Variants in KCNH8 observed in about 807,000 individuals in gnomAD.
KCNH8 encodes the protein voltage-gated delayed rectifier potassium channel KCNH8.
A neutral mutation model predicts 103.6 loss-of-function variants in KCNH8; 70 were observed. That is an observed-to-expected ratio of 0.68 (90% CI 0.56 to 0.82). The LOEUF is 0.82. KCNH8 is among the 40% of genes least tolerant of loss of function. The pLI, the probability that KCNH8 is intolerant of heterozygous loss-of-function variation, is 0.00. For synonymous variants in KCNH8, 498 were observed against 489.4 expected (o/e 1.02, Z -0.23); for missense variants, 1,217 against 1,329.9 (o/e 0.92, Z 1.32).
rs892596217 is a variant in KCNH8 at position 19,382,234 on chromosome 3, A to C, written c.812-8247A>C. On this transcript the variant is annotated intron_variant, in intron 5 of 15. Coordinates refer to ENST00000328405, the MANE Select transcript of KCNH8 (RefSeq NM_144633.3). ...ACAATTCATAGATATTACTAAAAGAACCTCTTTCCTGAGCTGGAAGCAGGG... is the reference window on the plus strand; with the variant it reads ...ACAATTCATAGATATTACTAAAAGACCCTCTTTCCTGAGCTGGAAGCAGGG... Among the ~76,000 whole-genome samples, 47 of 152,234 alleles carry C rather than the reference A, an allele frequency of 3.1e-4. 1 individual carries two copies. The highest frequency in any genetic ancestry group is 1.1e-3 in the African/African-American group (47 of 41,528).
At chr3:19,336,585 T>G (rs955087049) in intron 3 of KCNH8, among the ~76,000 whole-genome samples, 1 of 151,902 alleles carries the variant, frequency 6.6e-6, no homozygotes, top group Non-Finnish European at 1.5e-5. Context: ...TGTATTAACA[T>G]TCCCTATAAT....
intron 5 of KCNH8, among the ~76,000 whole-genome samples, chr3:19,353,631 A>G (rs1383158327): frequency 1.3e-5 from 2 of 152,140 alleles, no homozygotes; most frequent in Non-Finnish European, 2.9e-5. Flanking sequence ...AAAGACAAAA[A>G]CCACATGATT....
intron 3 of KCNH8, among the ~76,000 whole-genome samples, chr3:19,302,594 A>G (rs945834841): frequency 1.3e-5 from 2 of 152,198 alleles, no homozygotes; most frequent in African/African-American, 4.8e-5. Context: ...TTTCTCAGAA[A>G]AAGCACTTAG....
chr3:19,201,114 C>T (rs2063654479), intron 1 of KCNH8, among the ~76,000 whole-genome samples: 1 of 150,320 alleles, frequency 6.7e-6, no homozygotes, highest in Admixed American at 6.6e-5. Context: ...CACCTGTTAT[C>T]CCAGCTACTA....
At chr3:19,223,685 T>C (rs543654209) in intron 1 of KCNH8, among the ~76,000 whole-genome samples, 194 of 152,242 alleles carry the variant, frequency 1.3e-3, no homozygotes, top group African/African-American at 4.5e-3. Flanking sequence ...GAGTGGACCA[T>C]TTCGGTGACA....
chr3:19,148,938 A>T, intron 1 of KCNH8, 143 bp downstream of exon 1: 2 of 766,034 alleles, frequency 2.6e-6, no homozygotes, highest in South Asian at 1.6e-5. Context: ...TGTGCGGAGA[A>T]ATTTGTTCCC....
intron 1 of KCNH8, among the ~76,000 whole-genome samples, chr3:19,191,112 C>CT (rs1468354140): frequency 6.6e-6 from 1 of 151,740 alleles, no homozygotes; most frequent in Non-Finnish European, 1.5e-5. Flanking sequence ...AAACTTTTAT[C>CT]TTTTTTGTTT....
At chr3:19,244,102 G>C (rs2125246814) in intron 1 of KCNH8, among the ~76,000 whole-genome samples, 1 of 152,174 alleles carries the variant, frequency 6.6e-6, no homozygotes, top group African/African-American at 2.4e-5. Flanking sequence ...ACCACACTTA[G>C]CTGCATAAAC....
At chr3:19,349,873 A>T (rs1368402223) in intron 5 of KCNH8, among the ~76,000 whole-genome samples, 1 of 152,120 alleles carries the variant, frequency 6.6e-6, no homozygotes. Context: ...TGGTTCTCCC[A>T]GTAGGCAATA....
At chr3:19,490,766 G>A (rs564305667) in intron 11 of KCNH8, among the ~76,000 whole-genome samples, 2 of 152,328 alleles carry the variant, frequency 1.3e-5, no homozygotes, top group East Asian at 1.9e-4. Context: ...TCTAAAGTGA[G>A]AGAGTTGGAC....
intron 8 of KCNH8, among the ~76,000 whole-genome samples, chr3:19,446,264 A>G (rs922873475): frequency 2.6e-5 from 4 of 152,026 alleles, no homozygotes; most frequent in Non-Finnish European, 2.9e-5. Context: ...TGATAGAGTC[A>G]TCAGCACAGC....
intron 1 of KCNH8, among the ~76,000 whole-genome samples, chr3:19,208,504 G>A (rs67754728): frequency 0.055 from 8,387 of 151,988 alleles, 388 homozygotes; most frequent in East Asian, 0.19. Context: ...AGTGGTGTGT[G>A]ATTCTCAATC....
chr3:19,232,817 G>T (rs1039536145), intron 1 of KCNH8, among the ~76,000 whole-genome samples: 1 of 152,178 alleles, frequency 6.6e-6, no homozygotes, highest in Non-Finnish European at 1.5e-5. Context: ...CATGGGTCAC[G>T]TGTAGCTACA....
intron 11 of KCNH8, among the ~76,000 whole-genome samples, chr3:19,492,726 T>A (rs1434992508): frequency 1.3e-5 from 2 of 152,144 alleles, no homozygotes; most frequent in Non-Finnish European, 2.9e-5. Flanking sequence ...AAGAATGATA[T>A]TGGTAGTTCA....
chr3:19,272,093 A>G (rs1023971217), intron 2 of KCNH8, among the ~76,000 whole-genome samples: 1 of 152,094 alleles, frequency 6.6e-6, no homozygotes, highest in Non-Finnish European at 1.5e-5. Flanking sequence ...TCATTATTGA[A>G]TGAACGTAAT....
In KCNH8 at chr3:19,182,739, T is replaced by A. The variant is rs191228522; in HGVS notation, c.76+33944T>A. ...ATTCTGCCTTATGAGTGAGCGTAAG[T>A]AAGAACAGAATGAGTTCTGCCTTAT... On this transcript the variant is annotated intron_variant, in intron 1 of 15. Transcript: ENST00000328405. Among the ~76,000 whole-genome samples the A allele has an allele frequency of 4.6e-5, 7 of 152,266 alleles. No homozygotes were observed. In the East Asian group the frequency reaches 1.4e-3, roughly 29 times the overall value.
chr3:19,263,194 CA>C (rs1383009117), intron 2 of KCNH8, among the ~76,000 whole-genome samples: 1 of 151,948 alleles, frequency 6.6e-6, no homozygotes, highest in Non-Finnish European at 1.5e-5. Context: ...TGAAGAGCCC[CA>C]GGGAGACTTG....
At chr3:19,511,388 C>A (rs772738004) in intron 12 of KCNH8, among the ~76,000 whole-genome samples, 3 of 152,062 alleles carry the variant, frequency 2.0e-5, no homozygotes, top group Non-Finnish European at 4.4e-5. Context: ...AAATACTTGA[C>A]AGGTTATTAG....
intron 1 of KCNH8, among the ~76,000 whole-genome samples, chr3:19,239,179 T>A (rs1221768808): frequency 6.6e-6 from 1 of 152,050 alleles, no homozygotes; most frequent in Non-Finnish European, 1.5e-5. Context: ...TAATAAAACA[T>A]CTGGCTATAG....
Sources: allele counts gnomAD v4.1 joint callset (sites outside exome capture counted in the v4.1 genomes callset), GRCh38; gene constraint gnomAD v4.1.1; transcripts MANE v1.5; gene names NCBI Gene and HGNC (gene_info 2026-07-23, HGNC 2026-07-21).